Variants in DOCK1 observed in about 807,000 individuals in gnomAD.
DOCK1 encodes dedicator of cytokinesis protein 1.
A neutral mutation model predicts 262.7 loss-of-function variants in DOCK1; 138 were observed. That is an observed-to-expected ratio of 0.53 (90% CI 0.46 to 0.61). The LOEUF (loss-of-function observed/expected upper bound fraction) is 0.61, where lower values mean the gene tolerates loss of function less well. DOCK1 is among the 20% of genes least tolerant of loss of function. DOCK1 has a pLI of 0.00. For missense variants in DOCK1, 1,908 were observed against 2,370.7 expected, an observed-to-expected ratio of 0.80 and a Z score of 4.05; for synonymous variants, 866 against 867.4, an observed-to-expected ratio of 1.00 and a Z score of 0.03.
intron 18 of DOCK1, 38 bp from the exon 19 acceptor site, chr10:127,037,681 T>G: frequency 6.6e-7 from 1 of 1,524,074 alleles, no homozygotes; most frequent in South Asian, 1.2e-5. Flanking sequence ...ACAGAGTTTC[T>G]TGCTTGTGAA....
chr10:127,435,535 G>T (rs964305398), intron 48 of DOCK1, among the ~76,000 whole-genome samples: 3 of 152,196 alleles, frequency 2.0e-5, no homozygotes, highest in Non-Finnish European at 2.9e-5. Context: ...ATGTGTGCTT[G>T]TCACTTACAG....
At chr10:127,308,100 C>T (rs2061941420) in intron 29 of DOCK1, among the ~76,000 whole-genome samples, 1 of 152,246 alleles carries the variant, frequency 6.6e-6, no homozygotes, top group Admixed American at 6.5e-5. Context: ...GACTGTGTCC[C>T]TTCCTTCAAT....
chr10:126,987,425 C>A, intron 4 of DOCK1, 96 bp from the exon 5 acceptor site: 1 of 951,778 alleles, frequency 1.1e-6, no homozygotes, highest in Non-Finnish European at 1.6e-6. Flanking sequence ...TTGCTTAATA[C>A]TGAACGCTAT....
intron 38 of DOCK1, among the ~76,000 whole-genome samples, chr10:127,390,312 G>A (rs1158150581): frequency 6.6e-6 from 1 of 152,210 alleles, no homozygotes; most frequent in African/African-American, 2.4e-5. Flanking sequence ...AGCCACATGC[G>A]GCCATTGGGC....
intron 37 of DOCK1, among the ~76,000 whole-genome samples, chr10:127,382,224 A>G (rs187156814): frequency 6.6e-6 from 1 of 152,368 alleles, no homozygotes; most frequent in African/African-American, 2.4e-5. Flanking sequence ...AATGTAATGA[A>G]AGAAAACCAG....
chr10:126,977,131 G>T (rs550621059), intron 2 of DOCK1, among the ~76,000 whole-genome samples: 25 of 152,342 alleles, frequency 1.6e-4, no homozygotes, highest in South Asian at 2.1e-4. Flanking sequence ...CTCACAAATG[G>T]TGGGGTGCTT....
chr10:127,339,648 T>TGC (rs56813753), intron 30 of DOCK1, among the ~76,000 whole-genome samples: 5,392 of 143,854 alleles, frequency 0.037, 139 homozygotes, highest in South Asian at 0.061. Context: ...TGTGTGTGTG[T>TGC]GCGCGCGCGC....
chr10:126,951,173 TTGGTGATAG>T (rs1468542822), intron 1 of DOCK1, among the ~76,000 whole-genome samples: 15 of 151,598 alleles, frequency 9.9e-5, no homozygotes, highest in African/African-American at 3.6e-4. Flanking sequence ...GGTAGTAGTG[TTGGTGATAG>T]TGGTGATGGT....
At chr10:127,451,280 T>C in intron 51 of DOCK1, 52 bp from the exon 52 acceptor site, 1 of 1,548,032 alleles carries the variant, frequency 6.5e-7, no homozygotes, top group South Asian at 1.2e-5. Flanking sequence ...ACGGTGTCTT[T>C]TCTGTCAGGA....
chr10:127,329,563 C>G (rs1300876743), intron 29 of DOCK1, among the ~76,000 whole-genome samples: 2 of 151,954 alleles, frequency 1.3e-5, no homozygotes, highest in Non-Finnish European at 2.9e-5. Flanking sequence ...GACTCTGGGG[C>G]GACCCAAGAC....
intron 22 of DOCK1, among the ~76,000 whole-genome samples, chr10:127,060,913 A>C (rs1459526921): frequency 1.3e-5 from 2 of 152,222 alleles, no homozygotes; most frequent in Non-Finnish European, 2.9e-5. Flanking sequence ...GTTGATTTTC[A>C]ATTTGTGACA....
chr10:127,152,577 A>G (rs1188870725), intron 27 of DOCK1, among the ~76,000 whole-genome samples: 4 of 152,150 alleles, frequency 2.6e-5, no homozygotes, highest in Admixed American at 2.6e-4. Context: ...CAACCTCAGC[A>G]CTATTGACAT....
chr10:127,394,369 A>G (rs2066691412), intron 38 of DOCK1, among the ~76,000 whole-genome samples: 1 of 151,282 alleles, frequency 6.6e-6, no homozygotes, highest in African/African-American at 2.4e-5. Context: ...AAAAAAAAAA[A>G]AGCGTTTTAC....
At chr10:127,440,413 C>T (rs1015145539) in intron 49 of DOCK1, among the ~76,000 whole-genome samples, 7 of 151,996 alleles carry the variant, frequency 4.6e-5, no homozygotes, top group African/African-American at 1.5e-4. Context: ...ACTTCCAGGG[C>T]GAACTTGATT....
At chr10:127,340,586 G>A (rs34463922) in intron 30 of DOCK1, among the ~76,000 whole-genome samples, 2 of 152,112 alleles carry the variant, frequency 1.3e-5, no homozygotes, top group Non-Finnish European at 2.9e-5. Flanking sequence ...CTTAGTACAC[G>A]CATTGCTATG....
chr10:127,022,401 G>T (rs1025826431), intron 13 of DOCK1, among the ~76,000 whole-genome samples: 1 of 152,010 alleles, frequency 6.6e-6, no homozygotes, highest in Non-Finnish European at 1.5e-5. Flanking sequence ...ACATATGTAT[G>T]CATGTGCCAT....
At chr10:127,304,449 G>A (rs577307928) in intron 29 of DOCK1, among the ~76,000 whole-genome samples, 1 of 152,000 alleles carries the variant, frequency 6.6e-6, no homozygotes, top group South Asian at 2.1e-4. Context: ...AGTTTCTTTT[G>A]TCCACTTGTG....
intron 27 of DOCK1, among the ~76,000 whole-genome samples, chr10:127,222,549 G>A (rs1284413166): frequency 6.6e-6 from 1 of 152,070 alleles, no homozygotes; most frequent in African/African-American, 2.4e-5. Flanking sequence ...AAGTTTCCTT[G>A]GGAGATAAAT....
chr10:127,410,926 T>TA lies in DOCK1; in HGVS notation c.4428+8dup, dbSNP rs781248578. ...AAAAACCCAGACAATGAATTTGCGG[T>TA]AAAAAACAAACAAACCACCAAACCA... On this transcript the variant is annotated splice_region_variant and intron_variant, in intron 43 of 51. Coordinates refer to ENST00000623213, the MANE Select transcript of DOCK1 (RefSeq NM_001290223.2). 5.0e-6 allele frequency: 8 copies of TA among 1,612,350 alleles called. No individual in the cohort carries two copies. Among genetic ancestry groups the TA allele is most frequent in the South Asian group, 2.2e-5 (2 of 90,542 alleles).
Sources: gnomAD v4.1 joint callset for allele counts (sites outside exome capture counted in the v4.1 genomes callset) on GRCh38, gnomAD v4.1.1 for gene constraint, MANE v1.5 for transcripts, NCBI Gene and HGNC (gene_info 2026-07-23, HGNC 2026-07-21) for gene names.